The following ODR4 variants were observed in gnomAD, a reference collection of about 807,000 sequenced individuals.
ODR4 encodes the protein odr-4 GPCR localization factor homolog, also known as protein odr-4 homolog.
A neutral mutation model predicts 60.2 loss-of-function variants in ODR4; 47 were observed. The ratio of observed to expected loss-of-function variants is 0.78; its 90% CI spans 0.62 to 1.00. The LOEUF is 1.00. Among genes scored for constraint, ODR4 ranks in the 50% least tolerant of loss-of-function variants. ODR4 has a pLI of 0.00. For synonymous variants in ODR4, 178 were observed against 175.5 expected (o/e 1.01, Z -0.11); for missense variants, 488 against 530.8 (o/e 0.92, Z 0.79).
intron 11 of ODR4, among the ~76,000 whole-genome samples, chr1:186,403,677 A>T (rs571224046): frequency 6.6e-6 from 1 of 152,226 alleles, no homozygotes; most frequent in African/African-American, 2.4e-5. Flanking sequence ...TTAAAAAAAA[A>T]AAAAAACTCC....
At chr1:186,383,678 G>GATATATAT (rs60229243) in intron 3 of ODR4, among the ~76,000 whole-genome samples, 2,372 of 140,736 alleles carry the variant, frequency 0.017, 70 homozygotes, top group African/African-American at 0.056. Flanking sequence ...TGTGTATGTA[G>GATATATAT]ATATATATAT....
At chr1:186,430,060 A>T in the ODR4 span, among the ~76,000 whole-genome samples, 2 of 152,092 alleles carry the variant, frequency 1.3e-5, no homozygotes, top group East Asian at 3.8e-4. Context: ...TTGGATTTTT[A>T]TAACAGTTTT....
At chr1:186,386,718 A>C (rs1056365415) in intron 4 of ODR4, among the ~76,000 whole-genome samples, 2 of 152,192 alleles carry the variant, frequency 1.3e-5, no homozygotes, top group African/African-American at 4.8e-5. Context: ...GTATTCTGTC[A>C]CACCTTCCAT....
rs553042380 is a variant in ODR4, at chr1:186,411,261, T to TA, written c.1186+4994dup. On this transcript the variant is annotated intron_variant, in intron 12 of 13. Coordinates refer to ENST00000287859, the MANE Select transcript of ODR4 (RefSeq NM_017847.6). ...AAAAAAATCTGAAATCTGAAACACTTACGATCCCAAGCATTTTGGATGAGG... is the reference window on the plus strand; with the variant it reads ...AAAAAAATCTGAAATCTGAAACACTTAACGATCCCAAGCATTTTGGATGAGG... 6.5e-3 allele frequency among the ~76,000 whole-genome samples: 986 copies of TA among 152,248 alleles called. 2 individuals are homozygous for TA. The highest frequency in any genetic ancestry group is 0.02 in the Middle Eastern group (6 of 294).
At chr1:186,389,209 A>G (rs1660364474) in intron 5 of ODR4, among the ~76,000 whole-genome samples, 1 of 152,148 alleles carries the variant, frequency 6.6e-6, no homozygotes, top group Admixed American at 6.5e-5. Flanking sequence ...TTCATATACA[A>G]GCCCTTTAAT....
intron 8 of ODR4, among the ~76,000 whole-genome samples, chr1:186,392,003 A>G (rs757122524): frequency 5.8e-4 from 89 of 152,226 alleles, no homozygotes; most frequent in Admixed American, 2.2e-3. Context: ...TCAAAAGAAG[A>G]CATACATGCA....
At chr1:186,394,609 A>G (rs570750761) in intron 9 of ODR4, among the ~76,000 whole-genome samples, 2 of 152,344 alleles carry the variant, frequency 1.3e-5, no homozygotes, top group Admixed American at 6.5e-5. Flanking sequence ...AGAACAGACA[A>G]GGGTATAAAA....
At chr1:186,379,456 A>G (rs549953664) in intron 1 of ODR4, among the ~76,000 whole-genome samples, 8 of 148,336 alleles carry the variant, frequency 5.4e-5, no homozygotes, top group Non-Finnish European at 1.1e-4. Flanking sequence ...AAAAAAAAAA[A>G]AAAAAAAGAA....
intron 4 of ODR4, among the ~76,000 whole-genome samples, chr1:186,387,321 A>G (rs1323255667): frequency 6.6e-6 from 1 of 152,120 alleles, no homozygotes; most frequent in Non-Finnish European, 1.5e-5. Flanking sequence ...ACAATTGTTC[A>G]TTCTCTTTGG....
At chr1:186,418,961 CT>C (rs1661687582) in intron 13 of ODR4, 47 bp from the exon 14 acceptor site, 14 of 1,537,686 alleles carry the variant, frequency 9.1e-6, no homozygotes, top group Non-Finnish European at 1.2e-5. Context: ...TTTGGCCTTT[CT>C]TTTGCTCATT....
chr1:186,404,198 G>A (rs1661091609), intron 11 of ODR4, among the ~76,000 whole-genome samples: 1 of 152,058 alleles, frequency 6.6e-6, no homozygotes, highest in Non-Finnish European at 1.5e-5. Flanking sequence ...TATGACATGA[G>A]GATATTCCTA....
intron 9 of ODR4, 135 bp from the exon 10 acceptor site, chr1:186,398,178 G>C (rs867046973): frequency 3.0e-6 from 2 of 667,594 alleles, no homozygotes; most frequent in African/African-American, 3.7e-5. Context: ...TAAATAATTT[G>C]CAGAGAATAA....
the ODR4 span, among the ~76,000 whole-genome samples, chr1:186,428,008 T>A: frequency 2.6e-5 from 4 of 152,190 alleles, no homozygotes; most frequent in Non-Finnish European, 5.9e-5. Context: ...ATGGACAAAG[T>A]AGATTTTGCA....
chr1:186,414,524 CTTT>C (rs753376955), intron 12 of ODR4, among the ~76,000 whole-genome samples: 2 of 139,438 alleles, frequency 1.4e-5, no homozygotes. Context: ...AAACAAAAAC[CTTT>C]TTTTTTTTTT....
downstream of ODR4, among the ~76,000 whole-genome samples, chr1:186,421,736 C>T (rs138824192): frequency 7.3e-3 from 1,110 of 151,942 alleles, 6 homozygotes; most frequent in Non-Finnish European, 0.012. Flanking sequence ...TGATGGCATG[C>T]GCCTGTAATC....
intron 4 of ODR4, among the ~76,000 whole-genome samples, chr1:186,387,069 A>G (rs1660281331): frequency 2.0e-5 from 3 of 152,162 alleles, no homozygotes; most frequent in African/African-American, 7.2e-5. Flanking sequence ...ATCTTGAGAC[A>G]TATAAAACCC....
chr1:186,430,864 T>G, the ODR4 span, among the ~76,000 whole-genome samples: 1 of 151,926 alleles, frequency 6.6e-6, no homozygotes, highest in Non-Finnish European at 1.5e-5. Flanking sequence ...CTCCCTTTTT[T>G]TTTTTTTGTT....
downstream of ODR4, among the ~76,000 whole-genome samples, chr1:186,426,305 CTT>C (rs1661878599): frequency 1.3e-5 from 2 of 152,180 alleles, no homozygotes; most frequent in Admixed American, 6.5e-5. Context: ...ACTCATGACT[CTT>C]TGTATAGAAG....
downstream of ODR4, among the ~76,000 whole-genome samples, chr1:186,421,770 G>T (rs1661785558): frequency 6.6e-6 from 1 of 151,320 alleles, no homozygotes; most frequent in Admixed American, 6.6e-5. Flanking sequence ...AGGCTGAGGT[G>T]GGAGAATCAC....
Sources: allele counts gnomAD v4.1 joint callset (sites outside exome capture counted in the v4.1 genomes callset), GRCh38; gene constraint gnomAD v4.1.1; transcripts MANE v1.5; gene names NCBI Gene and HGNC (gene_info 2026-07-23, HGNC 2026-07-21).